EXOC2: variants seen among roughly 807,000 people sequenced by gnomAD.
EXOC2 encodes the protein exocyst complex component 2.
A neutral mutation model predicts 131.8 loss-of-function variants in EXOC2; 70 were observed. The ratio of observed to expected loss-of-function variants is 0.53; its 90% CI spans 0.44 to 0.65. The LOEUF (loss-of-function observed/expected upper bound fraction) is 0.65, where lower values mean the gene tolerates loss of function less well. Ranked by LOEUF, EXOC2 falls within the 30% of genes least tolerant of loss-of-function variation. The pLI is 0.00. For missense variants in EXOC2, 923 were observed against 1,108.6 expected (o/e 0.83, Z 2.38); for synonymous variants, 411 against 398.4 (o/e 1.03, Z -0.38).
chr6:570,307 G>A (rs1473464445), intron 13 of EXOC2, among the ~76,000 whole-genome samples: 1 of 152,016 alleles, frequency 6.6e-6, no homozygotes, highest in African/African-American at 2.4e-5. Flanking sequence ...CTAATTTTTT[G>A]TATTTTTAGT....
chr6:495,982 T>C (rs1334913646), intron 25 of EXOC2, among the ~76,000 whole-genome samples: 4 of 152,242 alleles, frequency 2.6e-5, no homozygotes, highest in African/African-American at 9.6e-5. Context: ...AAAAATCTAT[T>C]ATTATCATCT....
Position 497,208 on chromosome 6 carries a change from T to A in EXOC2, c.2559+159A>T, listed in dbSNP as rs572924363. Among the ~76,000 whole-genome samples the A allele has an allele frequency of 1.1e-3, 162 of 152,374 alleles. 1 individual carries two copies. The highest frequency in any genetic ancestry group is 3.7e-3 in the African/African-American group (152 of 41,592). On this transcript the variant is annotated intron_variant, in intron 25 of 27. Coordinates refer to ENST00000230449, the MANE Select transcript of EXOC2 (RefSeq NM_018303.6). ...CAGAAACTCTGAAACTTGTAGACAA[T>A]GCTTCATGGGTATGGCTTATGCAAG...
At chr6:657,764 CAAAA>C (rs11319548) in intron 1 of EXOC2, among the ~76,000 whole-genome samples, 19 of 135,374 alleles carry the variant, frequency 1.4e-4, no homozygotes, top group Admixed American at 2.2e-4. Context: ...CTCTGGCAGG[CAAAA>C]AAAAAAAAAA....
intron 1 of EXOC2, chr6:670,205 T>C (rs773770251): frequency 2.0e-5 from 3 of 152,184 alleles, no homozygotes; most frequent in Non-Finnish European, 2.9e-5. Flanking sequence ...GGTGAGCTCG[T>C]TGCTAAAGCC....
At chr6:555,929 C>T in intron 19 of EXOC2, 25 bp downstream of exon 19, 1 of 1,609,460 alleles carries the variant, frequency 6.2e-7, no homozygotes, top group Middle Eastern at 1.7e-4. Context: ...TTGAGGCTTT[C>T]AGCATTACTG....
chr6:640,909 A>T (rs1168438151), intron 1 of EXOC2, among the ~76,000 whole-genome samples: 1 of 152,102 alleles, frequency 6.6e-6, no homozygotes. Context: ...CTTCGAAATC[A>T]TTCTAAAGTT....
At chr6:645,360 T>C (rs753780411) in intron 1 of EXOC2, among the ~76,000 whole-genome samples, 1 of 152,082 alleles carries the variant, frequency 6.6e-6, no homozygotes, top group Non-Finnish European at 1.5e-5. Flanking sequence ...GGAGATTATC[T>C]CCATTACCTG....
intron 23 of EXOC2, among the ~76,000 whole-genome samples, chr6:526,218 G>A (rs1437557940): frequency 2.6e-5 from 4 of 152,074 alleles, no homozygotes; most frequent in African/African-American, 7.2e-5. Flanking sequence ...TTTTTTCTCT[G>A]TACCTTTGCC....
chr6:572,277 C>A (rs1758328245), intron 13 of EXOC2, among the ~76,000 whole-genome samples: 1 of 152,164 alleles, frequency 6.6e-6, no homozygotes, highest in Non-Finnish European at 1.5e-5. Flanking sequence ...CATTTAATCC[C>A]TACAACCACC....
chr6:633,032 T>G lies in EXOC2; in HGVS notation c.204A>C (p.Lys68Asn), dbSNP rs1453370625. The change falls in exon 3 of 28, where the codon AAA (lysine) becomes AAC (asparagine). Residue 68 changes from lysine (K) to asparagine (N), a missense_variant. Lys to Asn is a moderately conservative substitution (Grantham distance 94). Transcript: ENST00000230449. ...SKIVCRVGQAKNDKGDIIVTT... is the reference protein window; with the variant it reads ...SKIVCRVGQANNDKGDIIVTT... The stretch of plus-strand genomic sequence containing the variant: ...TGACAATAATGTCTCCTTTGTCATT[T>G]TTGGCTTGTCCCACTCGACATACTA... 1 of 1,614,222 alleles carries G rather than the reference T, an allele frequency of 6.2e-7. No individual in the cohort carries two copies. Among genetic ancestry groups the G allele is most frequent in the South Asian group, 1.1e-5 (1 of 91,088 alleles).
At chr6:558,514 T>C (rs994585320) in intron 17 of EXOC2, among the ~76,000 whole-genome samples, 2 of 152,136 alleles carry the variant, frequency 1.3e-5, no homozygotes, top group African/African-American at 4.8e-5. Flanking sequence ...CCGTGGGCCA[T>C]TAAATGTTGA....
chr6:535,970 GA>G (rs1282957691), intron 22 of EXOC2, among the ~76,000 whole-genome samples: 2 of 152,098 alleles, frequency 1.3e-5, no homozygotes, highest in Non-Finnish European at 2.9e-5. Flanking sequence ...TTCAACAGAT[GA>G]AAAAGCACTT....
At chr6:616,968 T>C (rs1015846713) in intron 6 of EXOC2, among the ~76,000 whole-genome samples, 1 of 152,078 alleles carries the variant, frequency 6.6e-6, no homozygotes, top group African/African-American at 2.4e-5. Flanking sequence ...AGAATGTCTA[T>C]ACTTTAGGAA....
chr6:572,319 G>A (rs746009047), intron 13 of EXOC2, among the ~76,000 whole-genome samples: 5 of 152,108 alleles, frequency 3.3e-5, no homozygotes, highest in Non-Finnish European at 1.5e-5. Flanking sequence ...TATTCTTTTT[G>A]TACATGAGGA....
At chr6:632,482 G>A (rs571541015) in intron 3 of EXOC2, among the ~76,000 whole-genome samples, 6 of 152,282 alleles carry the variant, frequency 3.9e-5, no homozygotes, top group South Asian at 4.1e-4. Flanking sequence ...TAACAGGGGC[G>A]TTAAAAGCAG....
At chr6:526,707 C>T (rs138718309) in intron 23 of EXOC2, among the ~76,000 whole-genome samples, 245 of 151,992 alleles carry the variant, frequency 1.6e-3, no homozygotes, top group African/African-American at 4.5e-3. Context: ...CCCAAAATGC[C>T]GGGATTACAG....
At chr6:495,054 ATTT>A (rs11335528) in intron 25 of EXOC2, among the ~76,000 whole-genome samples, 1 of 141,506 alleles carries the variant, frequency 7.1e-6, no homozygotes, top group Non-Finnish European at 1.5e-5. Context: ...AATTAAAACA[ATTT>A]TTTTTTTTTT....
intron 2 of EXOC2, among the ~76,000 whole-genome samples, chr6:636,071 A>C (rs1318303176): frequency 4.6e-5 from 7 of 152,254 alleles, no homozygotes; most frequent in Non-Finnish European, 8.8e-5. Context: ...CAAAACAAAA[A>C]ACAACAGCAA....
At chr6:502,948 C>A (rs888017573) in intron 23 of EXOC2, among the ~76,000 whole-genome samples, 3 of 152,162 alleles carry the variant, frequency 2.0e-5, no homozygotes, top group African/African-American at 7.2e-5. Context: ...AGTCAAACCA[C>A]ACATCAGGCC....
Sources: allele counts gnomAD v4.1 joint callset (sites outside exome capture counted in the v4.1 genomes callset), GRCh38; gene constraint gnomAD v4.1.1; transcripts MANE v1.5; gene names NCBI Gene and HGNC (gene_info 2026-07-23, HGNC 2026-07-21).